CWC27: variants seen among roughly 807,000 people sequenced by gnomAD.
CWC27 encodes the protein CWC27 spliceosome associated cyclophilin.
In CWC27, 47 loss-of-function variants were observed where a neutral mutation model predicts 63.6. That is an observed-to-expected ratio of 0.74 (90% CI 0.58 to 0.94). The LOEUF (loss-of-function observed/expected upper bound fraction) is 0.94. Ranked by LOEUF, CWC27 falls within the 40% of genes least tolerant of loss-of-function variation. CWC27 has a pLI of 0.00. For missense variants in CWC27, 495 were observed against 554.3 expected (o/e 0.89, Z 1.07); for synonymous variants, 175 against 179.8 (o/e 0.97, Z 0.22).
chr5:64,942,372 G>A (rs1254953398), intron 11 of CWC27, among the ~76,000 whole-genome samples: 1 of 147,480 alleles, frequency 6.8e-6, no homozygotes, highest in Non-Finnish European at 1.5e-5. Context: ...CAAGGCTACA[G>A]GGAATTATGA....
intron 10 of CWC27, among the ~76,000 whole-genome samples, chr5:64,875,182 C>A (rs184645636): frequency 6.6e-6 from 1 of 152,074 alleles, no homozygotes; most frequent in Admixed American, 6.5e-5. Flanking sequence ...TGAAAGAGAT[C>A]TTACAAAGAT....
chr5:65,011,012 T>C (rs910334903), intron 13 of CWC27, among the ~76,000 whole-genome samples: 1 of 152,146 alleles, frequency 6.6e-6, no homozygotes, highest in Non-Finnish European at 1.5e-5. Context: ...GCATTCTTCT[T>C]GGCAAGCATT....
At chr5:64,870,613 A>T (rs1746647163) in intron 10 of CWC27, among the ~76,000 whole-genome samples, 1 of 152,122 alleles carries the variant, frequency 6.6e-6, no homozygotes, top group African/African-American at 2.4e-5. Flanking sequence ...ATGATGAATC[A>T]TAATGTCTAC....
At chr5:64,864,515 T>C (rs1430288334) in intron 10 of CWC27, among the ~76,000 whole-genome samples, 1 of 152,168 alleles carries the variant, frequency 6.6e-6, no homozygotes, top group Non-Finnish European at 1.5e-5. Flanking sequence ...ACTACAGTAT[T>C]AGAGCCTCTG....
At chr5:64,807,480 A>T in intron 10 of CWC27, 2 of 1,315,920 alleles carry the variant, frequency 1.5e-6, no homozygotes. Context: ...CAAATCCAAA[A>T]CGCTTCCTAG....
intron 10 of CWC27, among the ~76,000 whole-genome samples, chr5:64,844,682 T>G (rs2112286729): frequency 1.3e-5 from 2 of 152,304 alleles, no homozygotes; most frequent in East Asian, 3.9e-4. Context: ...TGACTTGACA[T>G]GGGTGCTCAA....
chr5:64,924,197 G>C (rs1324647699), intron 11 of CWC27, among the ~76,000 whole-genome samples: 1 of 152,090 alleles, frequency 6.6e-6, no homozygotes, highest in East Asian at 1.9e-4. Context: ...CATTCTAGTT[G>C]TTTCCTTGGG....
chr5:64,820,853 G>T (rs1292739152), intron 10 of CWC27, among the ~76,000 whole-genome samples: 2 of 151,838 alleles, frequency 1.3e-5, no homozygotes, highest in Non-Finnish European at 2.9e-5. Context: ...TATGAACTTG[G>T]GGTTTGACAG....
chr5:64,823,162 T>C (rs574884031), intron 10 of CWC27, among the ~76,000 whole-genome samples: 3 of 152,260 alleles, frequency 2.0e-5, no homozygotes, highest in African/African-American at 7.2e-5. Context: ...TTTGATAAGG[T>C]CAAATGAAAT....
At chr5:64,843,407 G>A (rs1745895999) in intron 10 of CWC27, among the ~76,000 whole-genome samples, 1 of 152,152 alleles carries the variant, frequency 6.6e-6, no homozygotes. Context: ...CACATATGTG[G>A]GAGTATTGAT....
intron 11 of CWC27, among the ~76,000 whole-genome samples, chr5:64,906,442 G>A (rs879395533): frequency 1.2e-4 from 18 of 152,048 alleles, no homozygotes; most frequent in Admixed American, 2.0e-4. Flanking sequence ...ATTTTTTCAC[G>A]TGTCTGTTGG....
intron 13 of CWC27, among the ~76,000 whole-genome samples, chr5:65,006,276 C>T (rs1453147041): frequency 1.3e-5 from 2 of 152,110 alleles, no homozygotes; most frequent in Non-Finnish European, 2.9e-5. Context: ...CCTTTAGTTG[C>T]ACATTTGTAA....
intron 7 of CWC27, among the ~76,000 whole-genome samples, chr5:64,792,118 C>T (rs1251645785): frequency 6.6e-6 from 1 of 151,942 alleles, no homozygotes; most frequent in Non-Finnish European, 1.5e-5. Context: ...ATTTCTTGTC[C>T]TATTATTTCA....
intron 10 of CWC27, among the ~76,000 whole-genome samples, chr5:64,854,220 G>C (rs2112301173): frequency 6.6e-6 from 1 of 152,296 alleles, no homozygotes; most frequent in East Asian, 1.9e-4. Context: ...TGGACATTTA[G>C]GTTGCTTCCA....
At chr5:64,782,402 C>T (rs1016422349) in intron 3 of CWC27, among the ~76,000 whole-genome samples, 13 of 151,196 alleles carry the variant, frequency 8.6e-5, no homozygotes, top group African/African-American at 2.9e-4. Context: ...GAGCGGAGAT[C>T]GCACCAATGC....
intron 10 of CWC27, among the ~76,000 whole-genome samples, chr5:64,835,731 G>T (rs963347497): frequency 2.0e-5 from 3 of 151,520 alleles, no homozygotes; most frequent in African/African-American, 7.3e-5. Context: ...GTCATTATAG[G>T]CTCTAGCAAA....
At chr5:64,856,666 T>C (rs1392882987) in intron 10 of CWC27, among the ~76,000 whole-genome samples, 1 of 152,084 alleles carries the variant, frequency 6.6e-6, no homozygotes, top group Non-Finnish European at 1.5e-5. Flanking sequence ...GGATACCATG[T>C]TTATTGGAAG....
chr5:64,874,154 C>CTTTTTTTTTTTT (rs748768571), intron 10 of CWC27, among the ~76,000 whole-genome samples: 3 of 48,776 alleles, frequency 6.2e-5, no homozygotes, highest in Non-Finnish European at 1.0e-4. Context: ...ATTGTTGATG[C>CTTTTTTTTTTTT]TTTTTTTTTT....
At chr5:64,882,770 T>C (rs1032045823) in intron 10 of CWC27, among the ~76,000 whole-genome samples, 11 of 151,688 alleles carry the variant, frequency 7.3e-5, no homozygotes, top group Non-Finnish European at 1.3e-4. Flanking sequence ...ATGTTTTGTA[T>C]TTTTTTTAGT....
Sources: allele counts gnomAD v4.1 joint callset (sites outside exome capture counted in the v4.1 genomes callset), GRCh38; gene constraint gnomAD v4.1.1; transcripts MANE v1.5; gene names NCBI Gene and HGNC (gene_info 2026-07-23, HGNC 2026-07-21).